GRIA4: variants seen among roughly 807,000 people sequenced by gnomAD.
GRIA4 encodes glutamate ionotropic receptor AMPA type subunit 4.
Under a neutral mutation model 104.0 loss-of-function variants are expected in GRIA4, and 34 were observed. That is an observed-to-expected ratio of 0.33 (90% CI 0.25 to 0.44). The LOEUF (loss-of-function observed/expected upper bound fraction) is 0.44. Among genes scored for constraint, GRIA4 ranks in the 20% least tolerant of loss-of-function variants. The pLI is 1.00. For missense variants in GRIA4, 750 were observed against 1,096.5 expected, an observed-to-expected ratio of 0.68 and a Z score of 4.46; for synonymous variants, 386 against 381.9, an observed-to-expected ratio of 1.01 and a Z score of -0.13.
intron 3 of GRIA4, among the ~76,000 whole-genome samples, chr11:105,681,979 T>C (rs896207443): frequency 3.3e-5 from 5 of 151,922 alleles, no homozygotes; most frequent in African/African-American, 1.2e-4. Flanking sequence ...GAGGCAGAGT[T>C]TGCAGGGCAG....
At chr11:105,872,501 T>C (rs144405044) in intron 5 of GRIA4, among the ~76,000 whole-genome samples, 273 of 152,230 alleles carry the variant, frequency 1.8e-3, no homozygotes, top group Middle Eastern at 0.014. Flanking sequence ...CAGGTGCTTA[T>C]GAATTCCACA....
At chr11:105,924,937 G>T (rs1180023060) in intron 12 of GRIA4, among the ~76,000 whole-genome samples, 168 bp downstream of exon 12, 2 of 152,138 alleles carry the variant, frequency 1.3e-5, no homozygotes, top group South Asian at 2.1e-4. Flanking sequence ...ACAAAATATG[G>T]ATATATCATA....
intron 3 of GRIA4, among the ~76,000 whole-genome samples, chr11:105,668,026 C>T (rs186479244): frequency 3.3e-5 from 5 of 151,642 alleles, no homozygotes; most frequent in African/African-American, 1.2e-4. Context: ...CCCATGGCAA[C>T]CAGCATTCTA....
Position 105,903,999 on chromosome 11 carries a change from T to C in GRIA4, c.1053+18T>C, listed in dbSNP as rs765426108. The C allele has an allele frequency of 6.5e-7, 1 of 1,530,574 alleles. No homozygotes were observed. The highest frequency in any genetic ancestry group is 8.9e-7 in the Non-Finnish European group (1 of 1,117,690). The allele number at this position is 1,530,574 out of a possible 1,614,324, so 94.8% of individuals were successfully genotyped here. On this transcript the variant is annotated intron_variant, in intron 8 of 16. Transcript: ENST00000282499. ...TCAAACAGGTAACTCACAATTTTAT[T>C]TAAGTTCAATTCATTTCATGGTCTT...
chr11:105,813,093 C>CAAAAAAAA (rs58984237), intron 4 of GRIA4, among the ~76,000 whole-genome samples: 13 of 80,144 alleles, frequency 1.6e-4, no homozygotes, highest in Non-Finnish European at 2.0e-4. Context: ...GACTCCATCT[C>CAAAAAAAA]AAAAAAAAAA....
Position 105,641,988 on chromosome 11 carries a change from T to C in GRIA4, c.247+29554T>C, listed in dbSNP as rs183992224. Among the ~76,000 whole-genome samples the C allele has an allele frequency of 4.6e-5, 7 of 152,324 alleles. No homozygotes were observed. In the East Asian group the frequency reaches 1.4e-3, roughly 29 times the overall value. On this transcript the variant is annotated intron_variant, in intron 3 of 16. Coordinates refer to ENST00000282499, the MANE Select transcript of GRIA4 (RefSeq NM_000829.4). ...TTCTTCTGAGGCCTTTCTCCTTGGC[T>C]TGTAGATGCCATTATCTCCCTGTGT...
chr11:105,853,734 G>A (rs1591353243), intron 4 of GRIA4, among the ~76,000 whole-genome samples: 1 of 152,066 alleles, frequency 6.6e-6, no homozygotes, highest in Non-Finnish European at 1.5e-5. Flanking sequence ...GGGGTGGGGG[G>A]AGTGTAGAAT....
chr11:105,848,501 G>A (rs1289415381), intron 4 of GRIA4, among the ~76,000 whole-genome samples: 1 of 152,160 alleles, frequency 6.6e-6, no homozygotes, highest in Non-Finnish European at 1.5e-5. Context: ...GTTACAAACT[G>A]TCTCATGCAA....
At chr11:105,888,370 G>A (rs1392484343) in intron 6 of GRIA4, among the ~76,000 whole-genome samples, 1 of 123,680 alleles carries the variant, frequency 8.1e-6, no homozygotes. Flanking sequence ...TGCAAGCTCC[G>A]CCTCCCGGGT....
intron 4 of GRIA4, among the ~76,000 whole-genome samples, chr11:105,860,359 A>G (rs1945174614): frequency 6.6e-6 from 1 of 152,180 alleles, no homozygotes; most frequent in Non-Finnish European, 1.5e-5. Flanking sequence ...TACCAATTAG[A>G]AAACTCAACA....
chr11:105,961,491 A>G (rs1355917519), intron 14 of GRIA4, among the ~76,000 whole-genome samples: 1 of 152,186 alleles, frequency 6.6e-6, no homozygotes, highest in African/African-American at 2.4e-5. Flanking sequence ...AACACTTGAT[A>G]TTTAAATTTT....
intron 10 of GRIA4, among the ~76,000 whole-genome samples, chr11:105,916,068 C>T (rs1947394909): frequency 1.5e-5 from 2 of 135,238 alleles, no homozygotes; most frequent in South Asian, 2.3e-4. Context: ...CCTGTAATCC[C>T]AGCTACTTGG....
intron 10 of GRIA4, among the ~76,000 whole-genome samples, chr11:105,913,962 G>A (rs1289097991): frequency 6.6e-6 from 1 of 151,776 alleles, no homozygotes; most frequent in Non-Finnish European, 1.5e-5. Context: ...TTTATAAGAT[G>A]TTTGATATTT....
chr11:105,944,270 G>C (rs1017600011), intron 14 of GRIA4, among the ~76,000 whole-genome samples: 2 of 152,060 alleles, frequency 1.3e-5, no homozygotes, highest in Non-Finnish European at 2.9e-5. Context: ...AGATTCCAAA[G>C]TACATCCATT....
In GRIA4 at chr11:105,894,861, G is replaced by A. The variant is rs530106966; in HGVS notation, c.727-3408G>A. 3.9e-5 allele frequency among the ~76,000 whole-genome samples: 4 copies of A among 101,920 alleles called. No individual in the cohort carries two copies. The East Asian group carries it at 1.2e-3, about 30-fold the overall frequency. 66.9% of individuals were successfully genotyped at this position (101,920 alleles called of 152,430 possible). ...AGGCTGGACTGCGGACTGCAGTGGC[G>A]CAATCTCGGCTCACTGCAAGCTCCG... On this transcript the variant is annotated intron_variant, in intron 6 of 16. Coordinates refer to ENST00000282499, the MANE Select transcript of GRIA4 (RefSeq NM_000829.4).
chr11:105,714,329 A>G (rs1279256659), intron 3 of GRIA4, among the ~76,000 whole-genome samples: 1 of 152,128 alleles, frequency 6.6e-6, no homozygotes, highest in Non-Finnish European at 1.5e-5. Context: ...ATTCTGCTAG[A>G]GAGTATGTAT....
chr11:105,866,551 G>GTATATATATATATATATATATATA (rs71041633), intron 5 of GRIA4, among the ~76,000 whole-genome samples: 5 of 76,700 alleles, frequency 6.5e-5, no homozygotes, highest in African/African-American at 2.6e-4. Context: ...GTGTGTGTGT[G>GTATATATATATATATATATATATA]TATATATATA....
At chr11:105,789,294 T>G (rs748008) in intron 4 of GRIA4, among the ~76,000 whole-genome samples, 71,111 of 151,858 alleles carry the variant, frequency 0.47, 16,920 homozygotes, top group Middle Eastern at 0.53. Flanking sequence ...ATTGCAATTA[T>G]AAAAGACCAC....
intron 4 of GRIA4, among the ~76,000 whole-genome samples, chr11:105,858,593 C>A (rs1452236828): frequency 2.0e-5 from 3 of 152,024 alleles, no homozygotes; most frequent in Non-Finnish European, 2.9e-5. Context: ...CTATCAAAGA[C>A]TATATCTTAT....
Sources: gnomAD v4.1 joint callset for allele counts (sites outside exome capture counted in the v4.1 genomes callset) on GRCh38, gnomAD v4.1.1 for gene constraint, MANE v1.5 for transcripts, NCBI Gene and HGNC (gene_info 2026-07-23, HGNC 2026-07-21) for gene names.